UGT1A6: variants seen among roughly 807,000 people sequenced by gnomAD.
The protein encoded by UGT1A6 is UDP glucuronosyltransferase family 1 member A6, also known as UDP-glucuronosyltransferase 1A6.
UGT1A6 carries 32 observed loss-of-function variants against 44.4 expected under a neutral mutation model. That is an observed-to-expected ratio of 0.72 (90% confidence interval 0.54 to 0.97). UGT1A6 has a LOEUF of 0.97. Ranked by LOEUF, UGT1A6 falls within the 50% of genes least tolerant of loss-of-function variation. The pLI is 0.00. For synonymous variants in UGT1A6, 238 were observed against 248.5 expected, an observed-to-expected ratio of 0.96 and a Z score of 0.40; for missense variants, 685 against 661.9, an observed-to-expected ratio of 1.03 and a Z score of -0.38.
intron 1 of UGT1A6, chr2:233,708,404 A>G (rs984194776): frequency 2.6e-4 from 39 of 152,096 alleles, no homozygotes; most frequent in African/African-American, 9.4e-4. Context: ...ACTTTCATCA[A>G]GTTGTTTCAC....
In UGT1A6 at chr2:233,773,045, T is replaced by C. The variant is rs1700563904; in HGVS notation, c.*486T>C. ...GTGTGTTTAAAGAAGGGAAGCTTTG[T>C]ACCTTTAGAGTGTAGGTGAAATGAA... On this transcript the variant is annotated 3_prime_UTR_variant, in exon 5 of 5. Transcript: ENST00000305139. 1 of 194,454 alleles carries C rather than the reference T, an allele frequency of 5.1e-6. No homozygotes were observed. Among genetic ancestry groups the C allele is most frequent in the Non-Finnish European group, 1.1e-5 (1 of 92,946 alleles). The allele number at this position is 194,454 out of a possible 1,614,324, so 12.0% of individuals were successfully genotyped here.
At chr2:233,754,867 T>C (rs1330580019) in intron 1 of UGT1A6, 1 of 1,351,780 alleles carries the variant, frequency 7.4e-7, no homozygotes, top group South Asian at 1.1e-5. Context: ...GCAGACCCTC[T>C]GCTTCTGCTT....
At chr2:233,719,756 C>A in intron 1 of UGT1A6, 2 of 1,612,434 alleles carry the variant, frequency 1.2e-6, no homozygotes, top group Non-Finnish European at 1.7e-6. Context: ...TATTTACTTA[C>A]AAGTGCTTCC....
intron 1 of UGT1A6, among the ~76,000 whole-genome samples, chr2:233,731,055 A>C (rs1216603492): frequency 1.3e-5 from 2 of 152,192 alleles, no homozygotes; most frequent in East Asian, 1.9e-4. Flanking sequence ...AATGTGTATG[A>C]ACTTCCATGA....
chr2:233,696,516 CT>C (rs1314589445), intron 1 of UGT1A6, among the ~76,000 whole-genome samples: 2 of 152,156 alleles, frequency 1.3e-5, no homozygotes, highest in African/African-American at 4.8e-5. Flanking sequence ...GTTCTAACAG[CT>C]TTTGGGTGGA....
intron 1 of UGT1A6, 110 bp downstream of exon 1, chr2:233,693,975 G>C: frequency 6.4e-7 from 1 of 1,566,020 alleles, no homozygotes; most frequent in Non-Finnish European, 8.6e-7. Context: ...CTGGAGAAAC[G>C]GTGGGGGGAA....
intron 1 of UGT1A6, chr2:233,713,735 T>C: frequency 6.2e-7 from 1 of 1,613,944 alleles, no homozygotes; most frequent in African/African-American, 1.3e-5. Context: ...TGGTGGATCT[T>C]GTCAGCCATG....
chr2:233,755,203 AC>A (rs1695811923), intron 1 of UGT1A6: 1 of 1,097,556 alleles, frequency 9.1e-7, no homozygotes, highest in East Asian at 4.8e-5. Flanking sequence ...AGCTTGCGGT[AC>A]GCCTTCTTGA....
At chr2:233,760,155 C>A (rs2125979369) in intron 1 of UGT1A6, 1 of 1,487,916 alleles carries the variant, frequency 6.7e-7, no homozygotes, top group South Asian at 1.3e-5. Flanking sequence ...GAACTCCCTG[C>A]TACCTTTGTG....
intron 1 of UGT1A6, chr2:233,756,058 T>C (rs1696106057): frequency 6.6e-6 from 1 of 152,218 alleles, no homozygotes; most frequent in Admixed American, 6.5e-5. Context: ...CACTGTACAC[T>C]TGTGGGAGAA....
chr2:233,738,648 G>A (rs1199292214), intron 1 of UGT1A6, among the ~76,000 whole-genome samples: 1 of 152,164 alleles, frequency 6.6e-6, no homozygotes, highest in African/African-American at 2.4e-5. Flanking sequence ...AGAGCTCTTT[G>A]GAACTACGAA....
At chr2:233,758,245 A>G (rs1047370626) in intron 1 of UGT1A6, among the ~76,000 whole-genome samples, 51 of 152,214 alleles carry the variant, frequency 3.4e-4, no homozygotes, top group Non-Finnish European at 1.9e-4. Flanking sequence ...ATTGCCCACT[A>G]TTCAGATTAG....
chr2:233,720,424 T>A (rs1382226869), intron 1 of UGT1A6, among the ~76,000 whole-genome samples: 3 of 151,922 alleles, frequency 2.0e-5, no homozygotes, highest in African/African-American at 7.3e-5. Flanking sequence ...AGGGAGGAGA[T>A]AAGACCGTGA....
At chr2:233,728,832 C>T (rs2077754724) in intron 1 of UGT1A6, among the ~76,000 whole-genome samples, 1 of 152,118 alleles carries the variant, frequency 6.6e-6, no homozygotes, top group African/African-American at 2.4e-5. Flanking sequence ...GTGTTCACAG[C>T]CTTGTGTTGG....
intron 1 of UGT1A6, among the ~76,000 whole-genome samples, chr2:233,728,801 G>A (rs1420338275): frequency 4.1e-4 from 62 of 152,222 alleles, no homozygotes; most frequent in Admixed American, 4.1e-3. Context: ...CAGAGAAGTA[G>A]GAGACAGTGA....
At chr2:233,745,949 A>G (rs1225490168) in intron 1 of UGT1A6, among the ~76,000 whole-genome samples, 4 of 151,666 alleles carry the variant, frequency 2.6e-5, no homozygotes, top group East Asian at 3.9e-4. Context: ...GGGTTGGGCA[A>G]CTGGGGGACA....
At chr2:233,743,908 G>A (rs1211765828) in intron 1 of UGT1A6, 37 of 1,366,084 alleles carry the variant, frequency 2.7e-5, no homozygotes, top group Non-Finnish European at 3.4e-5. Flanking sequence ...CCTCGTAGTA[G>A]TCCACCATGC....
At chr2:233,729,866 A>C (rs1305518931) in intron 1 of UGT1A6, 8 of 1,613,728 alleles carry the variant, frequency 5.0e-6, no homozygotes, top group Non-Finnish European at 5.9e-6. Flanking sequence ...TCAGTGGTGG[A>C]TATTCTCAGT....
chr2:233,762,295 C>T (rs898920191), intron 1 of UGT1A6, among the ~76,000 whole-genome samples: 2 of 152,172 alleles, frequency 1.3e-5, no homozygotes, highest in South Asian at 2.1e-4. Context: ...AGGTGCCAAC[C>T]GAGGTCTAGT....
Sources: gnomAD v4.1 joint callset for allele counts (sites outside exome capture counted in the v4.1 genomes callset) on GRCh38, gnomAD v4.1.1 for gene constraint, MANE v1.5 for transcripts, NCBI Gene and HGNC (gene_info 2026-07-23, HGNC 2026-07-21) for gene names.